The following TRABD2B variants were observed in gnomAD, a reference collection of about 807,000 sequenced individuals.
TRABD2B encodes TraB domain containing 2B.
A neutral mutation model predicts 40.1 loss-of-function variants in TRABD2B; 14 were observed. That is an observed-to-expected ratio of 0.35 (90% CI 0.23 to 0.55). The LOEUF (loss-of-function observed/expected upper bound fraction) is 0.55. TRABD2B is among the 20% of genes least tolerant of loss of function. TRABD2B has a pLI of 0.90. For synonymous variants in TRABD2B, 263 were observed against 277.0 expected, an observed-to-expected ratio of 0.95 and a Z score of 0.50; for missense variants, 541 against 648.6, an observed-to-expected ratio of 0.83 and a Z score of 1.80.
chr1:47,784,761 C>T (rs1349988390), intron 4 of TRABD2B, among the ~76,000 whole-genome samples: 1 of 152,176 alleles, frequency 6.6e-6, no homozygotes, highest in East Asian at 1.9e-4. Context: ...CTGGCAGAGC[C>T]GAGCTTCCTT....
chr1:47,885,418 C>T (rs1475922142), intron 2 of TRABD2B, among the ~76,000 whole-genome samples: 1 of 152,200 alleles, frequency 6.6e-6, no homozygotes, highest in African/African-American at 2.4e-5. Context: ...ATCCTTGAGA[C>T]AAAGGGCTGT....
At chr1:47,893,854 C>T (rs1570233266) in intron 2 of TRABD2B, among the ~76,000 whole-genome samples, 1 of 152,088 alleles carries the variant, frequency 6.6e-6, no homozygotes, top group East Asian at 1.9e-4. Context: ...CTGCGGGGGC[C>T]CAACTTCTCG....
Position 47,801,568 on chromosome 1 carries a change from C to T in TRABD2B, c.718G>A (p.Gly240Arg), listed in dbSNP as rs1214360880. ...GTGGTGTAGGAGGCCTGCAGGCTCC[C>T]GGCCCGCACACTCTCCTGCTGCAGC... ...TLLQQESVRA[G>R]SLQASYTTED... Residue 240 changes from glycine (G) to arginine (R), a missense_variant, in exon 3 of 7, where the codon GGG (glycine) becomes AGG (arginine). By Grantham distance (125) the Gly-to-Arg change is moderately radical. This residue lies in a region of TRABD2B where 369 missense variants were observed against 492.8 expected (regional missense o/e 0.75). Transcript: ENST00000606738. 13 of 1,535,860 alleles carry T rather than the reference C, an allele frequency of 8.5e-6. No homozygotes were observed. The highest frequency in any genetic ancestry group is 1.0e-5 in the Non-Finnish European group (12 of 1,146,832).
intron 2 of TRABD2B, among the ~76,000 whole-genome samples, chr1:47,832,964 T>A (rs1361578453): frequency 6.6e-6 from 1 of 152,114 alleles, no homozygotes; most frequent in Non-Finnish European, 1.5e-5. Context: ...TCTCAGAGGG[T>A]CCTTATTTAA....
chr1:47,815,798 G>T (rs1034743152), intron 2 of TRABD2B, among the ~76,000 whole-genome samples: 1 of 149,018 alleles, frequency 6.7e-6, no homozygotes, highest in Admixed American at 6.7e-5. Context: ...GATGGTGACA[G>T]AGATAGATAG....
At chr1:47,831,800 C>T (rs138163033) in intron 2 of TRABD2B, among the ~76,000 whole-genome samples, 337 of 152,302 alleles carry the variant, frequency 2.2e-3, no homozygotes, top group African/African-American at 6.5e-3. Context: ...GACTGGCACA[C>T]GGAGCACCTG....
intron 2 of TRABD2B, among the ~76,000 whole-genome samples, chr1:47,991,037 GGAGA>G (rs1163594239): frequency 1.3e-5 from 2 of 151,352 alleles, no homozygotes; most frequent in Non-Finnish European, 1.5e-5. Context: ...GTCCTAAAGG[GGAGA>G]GAGAAACAGA....
At chr1:47,851,430 G>C (rs1538781) in intron 2 of TRABD2B, among the ~76,000 whole-genome samples, 1 of 152,174 alleles carries the variant, frequency 6.6e-6, no homozygotes, top group South Asian at 2.1e-4. Context: ...GTGAACCTGC[G>C]GGGTGGTGTG....
Position 47,956,737 on chromosome 1 carries a change from C to G in TRABD2B, c.666+37297G>C, listed in dbSNP as rs189976638. Among the ~76,000 whole-genome samples, 1,499 of 152,358 alleles carry G rather than the reference C, an allele frequency of 9.8e-3. 13 individuals carry two copies. The highest frequency in any genetic ancestry group is 0.015 in the Non-Finnish European group (1,028 of 68,036). On this transcript the variant is annotated intron_variant, in intron 2 of 6. Transcript: ENST00000606738. ...TGAAACTGGGTGGAGCCCACCACAG[C>G]TCAAGGAGGCCTGCCTGCCTCTGTA...
chr1:47,827,940 A>G (rs1248879941), intron 2 of TRABD2B, among the ~76,000 whole-genome samples: 1 of 152,188 alleles, frequency 6.6e-6, no homozygotes, highest in Non-Finnish European at 1.5e-5. Context: ...GGCTTAGTCA[A>G]GTGAGCTTGG....
intron 2 of TRABD2B, among the ~76,000 whole-genome samples, chr1:47,847,555 A>G (rs899412711): frequency 1.3e-5 from 2 of 152,198 alleles, no homozygotes; most frequent in African/African-American, 4.8e-5. Context: ...TGGAAAGTCA[A>G]TTGCACACAG....
intron 2 of TRABD2B, among the ~76,000 whole-genome samples, chr1:47,896,690 T>C (rs771481798): frequency 1.3e-5 from 2 of 152,302 alleles, no homozygotes; most frequent in South Asian, 2.1e-4. Flanking sequence ...GAGGTACCTC[T>C]ACCTCTCGGC....
rs566610503 is a variant in TRABD2B, at chr1:47,766,348, G to A, written c.1350-242C>T. On this transcript the variant is annotated intron_variant, in intron 6 of 6. Coordinates refer to ENST00000606738, the MANE Select transcript of TRABD2B (RefSeq NM_001194986.2). ...GATGGGCCAGGCCCTGGCAGCCACA[G>A]GTTGTCACATCTCAGCCACTCAGAT... Among the ~76,000 whole-genome samples the A allele has an allele frequency of 1.6e-3, 243 of 152,260 alleles. 3 individuals are homozygous for A. The highest frequency in any genetic ancestry group is 5.8e-3 in the African/African-American group (239 of 41,550).
chr1:47,900,835 T>C (rs1444294214), intron 2 of TRABD2B, among the ~76,000 whole-genome samples: 4 of 152,170 alleles, frequency 2.6e-5, no homozygotes, highest in African/African-American at 9.7e-5. Context: ...TAAAATTAAC[T>C]AACCATGACA....
At chr1:47,983,259 T>C (rs761741226) in intron 2 of TRABD2B, among the ~76,000 whole-genome samples, 2 of 152,118 alleles carry the variant, frequency 1.3e-5, no homozygotes, top group Non-Finnish European at 2.9e-5. Flanking sequence ...ATGTTCTCAC[T>C]TCCAAGTGGG....
chr1:47,828,429 C>T (rs1306114961), intron 2 of TRABD2B, among the ~76,000 whole-genome samples: 1 of 152,176 alleles, frequency 6.6e-6, no homozygotes, highest in African/African-American at 2.4e-5. Flanking sequence ...TCTTCCCATC[C>T]CCTTTAATTG....
At chr1:47,856,041 T>A (rs980204213) in intron 2 of TRABD2B, among the ~76,000 whole-genome samples, 4 of 152,156 alleles carry the variant, frequency 2.6e-5, no homozygotes, top group African/African-American at 9.7e-5. Flanking sequence ...AGAAGAGAGA[T>A]GTGAGGAGAG....
intron 2 of TRABD2B, among the ~76,000 whole-genome samples, chr1:47,925,265 A>G (rs1227287654): frequency 6.6e-6 from 1 of 152,244 alleles, no homozygotes; most frequent in Non-Finnish European, 1.5e-5. Flanking sequence ...CTTTAAAAAC[A>G]TATTAGCACT....
At chr1:47,811,264 ACCC>A (rs1357504573) in intron 2 of TRABD2B, among the ~76,000 whole-genome samples, 1 of 149,242 alleles carries the variant, frequency 6.7e-6, no homozygotes, top group South Asian at 2.2e-4. Context: ...TCCCCTCACC[ACCC>A]CCCCATCGCC....
Sources: gnomAD v4.1 joint callset for allele counts (sites outside exome capture counted in the v4.1 genomes callset) on GRCh38, gnomAD v4.1.1 for gene constraint, gnomAD v4.1.1 regional missense constraint, MANE v1.5 for transcripts, NCBI Gene and HGNC (gene_info 2026-07-23, HGNC 2026-07-21) for gene names.